The following APC variants were observed in gnomAD, a reference collection of about 807,000 sequenced individuals.
The protein encoded by APC is APC regulator of Wnt signaling pathway.
APC carries 72 observed loss-of-function variants against 247.0 expected under a neutral mutation model. The observed-to-expected ratio is 0.29, with a 90% confidence interval of 0.24 to 0.35. The LOEUF (loss-of-function observed/expected upper bound fraction) is 0.35. Among genes scored for constraint, APC ranks in the 10% least tolerant of loss-of-function variants. The pLI is 1.00. For synonymous variants in APC, 1,254 were observed against 1,162.5 expected (o/e 1.08, Z -1.60); for missense variants, 3,400 against 3,360.7 (o/e 1.01, Z -0.29).
chr5:112,727,237 T>C (rs559601656), intron 1 of APC, among the ~76,000 whole-genome samples: 25 of 152,162 alleles, frequency 1.6e-4, no homozygotes, highest in African/African-American at 4.8e-4. Context: ...CAAACACTTA[T>C]CTTCGGACAT....
chr5:112,788,616 C>G (rs1187546167), intron 6 of APC, among the ~76,000 whole-genome samples: 2 of 152,128 alleles, frequency 1.3e-5, no homozygotes, highest in Admixed American at 1.3e-4. Context: ...AATTTTATAT[C>G]TCTCTATTCA....
chr5:112,803,777 A>G (rs997110077), intron 8 of APC, among the ~76,000 whole-genome samples: 3 of 152,240 alleles, frequency 2.0e-5, no homozygotes, highest in Non-Finnish European at 4.4e-5. Flanking sequence ...AATATTAAAA[A>G]TGATAAATTA....
chr5:112,774,073 G>A (rs981796856), intron 4 of APC, among the ~76,000 whole-genome samples: 5 of 152,114 alleles, frequency 3.3e-5, no homozygotes, highest in African/African-American at 1.2e-4. Context: ...TGTATTAAAT[G>A]AGGTATAGGT....
chr5:112,801,149 C>A, intron 7 of APC, 130 bp from the exon 8 acceptor site: 1 of 665,334 alleles, frequency 1.5e-6, no homozygotes, highest in Non-Finnish European at 2.7e-6. Flanking sequence ...GTGTAATACA[C>A]AGTTCCATGC....
chr5:112,816,638 A>G (rs2149768550), intron 9 of APC, among the ~76,000 whole-genome samples: 1 of 151,962 alleles, frequency 6.6e-6, no homozygotes, highest in South Asian at 2.1e-4. Flanking sequence ...TACTAAAAAT[A>G]CAAAATTAGC....
intron 1 of APC, among the ~76,000 whole-genome samples, chr5:112,724,255 G>A (rs1351384578): frequency 6.6e-6 from 1 of 152,000 alleles, no homozygotes; most frequent in Non-Finnish European, 1.5e-5. Flanking sequence ...TAGTTATGAA[G>A]AAGAAAAAGC....
intron 7 of APC, 86 bp downstream of exon 7, chr5:112,792,615 C>T: frequency 1.1e-6 from 1 of 943,444 alleles, no homozygotes; most frequent in Non-Finnish European, 1.7e-6. Context: ...AATGTGACAC[C>T]ATTGAAATAT....
intron 8 of APC, among the ~76,000 whole-genome samples, chr5:112,806,158 C>G (rs1335172026): frequency 6.6e-6 from 1 of 152,216 alleles, no homozygotes; most frequent in African/African-American, 2.4e-5. Context: ...GCACCAGTTT[C>G]TCAGAGAGGC....
At chr5:112,791,327 G>C (rs1759558341) in intron 6 of APC, among the ~76,000 whole-genome samples, 1 of 152,148 alleles carries the variant, frequency 6.6e-6, no homozygotes, top group South Asian at 2.1e-4. Context: ...GCCACAGTTA[G>C]GTACTTGGAA....
chr5:112,734,325 C>T (rs146288090), upstream of APC, among the ~76,000 whole-genome samples: 20 of 152,308 alleles, frequency 1.3e-4, no homozygotes, highest in East Asian at 3.3e-3. Context: ...CATTTCACCT[C>T]GTTCTCGTAT....
chr5:112,737,867 G>A, upstream of APC: 7 of 985,714 alleles, frequency 7.1e-6, no homozygotes, highest in Non-Finnish European at 8.4e-6. Context: ...CTGTATTGGT[G>A]CAGCCCGCCA....
chr5:112,715,945 C>T (rs982273298), intron 1 of APC, among the ~76,000 whole-genome samples: 8 of 152,058 alleles, frequency 5.3e-5, no homozygotes, highest in African/African-American at 1.9e-4. Flanking sequence ...ATTCTGTGGT[C>T]CTTTTAATGG....
chr5:112,811,688 A>C (rs1761997269), intron 8 of APC, among the ~76,000 whole-genome samples: 2 of 152,250 alleles, frequency 1.3e-5, no homozygotes, highest in South Asian at 2.1e-4. Context: ...TTTATTGTGG[A>C]AACAGGTTTT....
chr5:112,785,987 A>C (rs1758903462), intron 6 of APC, among the ~76,000 whole-genome samples: 1 of 152,254 alleles, frequency 6.6e-6, no homozygotes, highest in Admixed American at 6.5e-5. Flanking sequence ...ATTGCACAAA[A>C]GATAAATTAG....
At chr5:112,818,858 GTT>G in intron 9 of APC, 106 bp from the exon 10 acceptor site, 3 of 995,212 alleles carry the variant, frequency 3.0e-6, no homozygotes, top group Non-Finnish European at 4.4e-6. Flanking sequence ...GGGGGGGGTT[GTT>G]TTGTTTTTTT....
intron 11 of APC, among the ~76,000 whole-genome samples, chr5:112,822,638 G>T (rs1763257074): frequency 2.0e-5 from 3 of 151,992 alleles, no homozygotes. Flanking sequence ...TGATTTCTAG[G>T]TTCATTTTGT....
chr5:112,731,629 A>G (rs1251335897), intron 1 of APC, among the ~76,000 whole-genome samples: 1 of 152,226 alleles, frequency 6.6e-6, no homozygotes, highest in African/African-American at 2.4e-5. Context: ...TAAACATTTT[A>G]AAGACTTATA....
intron 14 of APC, among the ~76,000 whole-genome samples, chr5:112,833,309 A>G (rs748090316): frequency 5.3e-5 from 8 of 151,564 alleles, no homozygotes; most frequent in Non-Finnish European, 1.2e-4. Flanking sequence ...CAGCCTCCCA[A>G]GTAGCTAGGA....
intron 13 of APC, among the ~76,000 whole-genome samples, chr5:112,828,502 G>C (rs1227362534): frequency 2.0e-5 from 3 of 151,166 alleles, no homozygotes; most frequent in Non-Finnish European, 4.4e-5. Flanking sequence ...GCCCAGGCTG[G>C]AGTGCAGTGG....
Sources: allele counts gnomAD v4.1 joint callset (sites outside exome capture counted in the v4.1 genomes callset), GRCh38; gene constraint gnomAD v4.1.1; transcripts MANE v1.5; gene names NCBI Gene and HGNC (gene_info 2026-07-23, HGNC 2026-07-21).